The following TMTC2 variants were observed in gnomAD, a reference collection of about 807,000 sequenced individuals.
The protein encoded by TMTC2 is transmembrane O-mannosyltransferase targeting cadherins 2.
A neutral mutation model predicts 82.4 loss-of-function variants in TMTC2; 43 were observed. The observed-to-expected ratio is 0.52, with a 90% CI of 0.41 to 0.67. The LOEUF (loss-of-function observed/expected upper bound fraction) is 0.67. TMTC2 is among the 30% of genes least tolerant of loss of function. The pLI is 0.00. For synonymous variants in TMTC2, 408 were observed against 381.9 expected, an observed-to-expected ratio of 1.07 and a Z score of -0.80; for missense variants, 919 against 1,012.4, an observed-to-expected ratio of 0.91 and a Z score of 1.25.
chr12:83,011,364 A>T (rs1880450455), intron 8 of TMTC2, among the ~76,000 whole-genome samples: 1 of 152,148 alleles, frequency 6.6e-6, no homozygotes, highest in Non-Finnish European at 1.5e-5. Context: ...AAAATGAGGG[A>T]AAAAGCATTT....
chr12:83,111,771 ATAAAT>A (rs1884608147), intron 11 of TMTC2, among the ~76,000 whole-genome samples: 2 of 152,182 alleles, frequency 1.3e-5, no homozygotes, highest in South Asian at 4.1e-4. Flanking sequence ...GAGTGAGTGA[ATAAAT>A]TACATTTAAA....
At chr12:82,953,588 T>TA (rs1374052254) in intron 4 of TMTC2, among the ~76,000 whole-genome samples, 1 of 152,192 alleles carries the variant, frequency 6.6e-6, no homozygotes, top group East Asian at 1.9e-4. Flanking sequence ...AAATGTTGCT[T>TA]AAAACTAAGC....
intron 8 of TMTC2, among the ~76,000 whole-genome samples, chr12:83,009,367 G>C (rs1287380899): frequency 2.0e-5 from 3 of 152,088 alleles, no homozygotes; most frequent in Admixed American, 6.6e-5. Context: ...TCTTTCTCCT[G>C]ATAGTCTACC....
chr12:82,990,150 A>G (rs1424267938), intron 8 of TMTC2, among the ~76,000 whole-genome samples: 1 of 152,202 alleles, frequency 6.6e-6, no homozygotes, highest in Non-Finnish European at 1.5e-5. Flanking sequence ...TCAAGAGAAG[A>G]GGAATAGAAA....
At chr12:82,914,295 G>T (rs754192109) in intron 3 of TMTC2, among the ~76,000 whole-genome samples, 1 of 150,446 alleles carries the variant, frequency 6.6e-6, no homozygotes, top group African/African-American at 2.5e-5. Flanking sequence ...TATTTTATTT[G>T]CATTTTTTAC....
chr12:82,718,183 A>G (rs1485799571), intron 1 of TMTC2, among the ~76,000 whole-genome samples: 1 of 152,218 alleles, frequency 6.6e-6, no homozygotes, highest in Non-Finnish European at 1.5e-5. Context: ...ACACAGAATT[A>G]GGCAGTATCC....
intron 8 of TMTC2, among the ~76,000 whole-genome samples, chr12:83,024,578 G>C (rs763192529): frequency 1.3e-5 from 2 of 152,150 alleles, no homozygotes; most frequent in African/African-American, 2.4e-5. Flanking sequence ...TTAAGAGACT[G>C]TTCCTTCCCC....
intron 3 of TMTC2, among the ~76,000 whole-genome samples, chr12:82,915,190 C>T (rs1874932533): frequency 6.6e-6 from 1 of 152,038 alleles, no homozygotes; most frequent in Non-Finnish European, 1.5e-5. Flanking sequence ...GTTAAAGATT[C>T]CAAACTTTGC....
At chr12:82,821,513 A>G (rs1869109063) in intron 1 of TMTC2, among the ~76,000 whole-genome samples, 1 of 152,208 alleles carries the variant, frequency 6.6e-6, no homozygotes, top group Non-Finnish European at 1.5e-5. Flanking sequence ...AATGAGGCTT[A>G]GAAAGATTAA....
At chr12:82,793,903 C>T (rs1277475737) in intron 1 of TMTC2, among the ~76,000 whole-genome samples, 1 of 152,162 alleles carries the variant, frequency 6.6e-6, no homozygotes, top group African/African-American at 2.4e-5. Context: ...TCTTAATAGG[C>T]TTATCTACTG....
intron 8 of TMTC2, among the ~76,000 whole-genome samples, chr12:83,002,920 A>G (rs922481285): frequency 3.9e-5 from 6 of 152,016 alleles, no homozygotes; most frequent in Non-Finnish European, 5.9e-5. Flanking sequence ...TATTAGATCC[A>G]GTTATTGAAG....
rs1228268625 is a variant in TMTC2 at position 82,798,023 on chromosome 12, C to T, written c.84-58987C>T. Among the ~76,000 whole-genome samples, 4 of 149,610 alleles carry T rather than the reference C, an allele frequency of 2.7e-5. No individual in the cohort carries two copies. In the East Asian group the frequency reaches 6.1e-4, roughly 23 times the overall value. On this transcript the variant is annotated intron_variant, in intron 1 of 11. Coordinates refer to ENST00000321196, the MANE Select transcript of TMTC2 (RefSeq NM_152588.3). ...CGCGATCTCGGCTCACTGCAAGCTC[C>T]GCCTCCCAGGTTCACACCATTCTCC...
At chr12:82,764,837 A>ATT (rs10603409) in intron 1 of TMTC2, among the ~76,000 whole-genome samples, 2 of 146,216 alleles carry the variant, frequency 1.4e-5, no homozygotes, top group African/African-American at 5.1e-5. Flanking sequence ...GTGAATCTGC[A>ATT]TTTTTTTTTT....
chr12:82,752,147 C>CATTTTTTTTTTTTTTTTTTTT (rs58427886), intron 1 of TMTC2, among the ~76,000 whole-genome samples: 1 of 137,928 alleles, frequency 7.3e-6, no homozygotes. Flanking sequence ...TTGGAAGCTC[C>CATTTTTTTTTTTTTTTTTTTT]TTTTTTTTTT....
rs118165532 is a variant in TMTC2, at chr12:83,119,973, G to T, written c.2332-12237G>T. 2.5e-3 allele frequency among the ~76,000 whole-genome samples: 385 copies of T among 152,188 alleles called. 7 individuals carry two copies. The East Asian group carries it at 0.038, about 15-fold the overall frequency. ...GAATAGCCCCTCCTGCTCACTTTTG[G>T]TGTCCATTTGCGTCAAATGTCTTTT... On this transcript the variant is annotated intron_variant, in intron 11 of 11. Coordinates refer to ENST00000321196, the MANE Select transcript of TMTC2 (RefSeq NM_152588.3).
chr12:83,112,426 C>T (rs190624958), intron 11 of TMTC2, among the ~76,000 whole-genome samples: 2 of 152,190 alleles, frequency 1.3e-5, no homozygotes, highest in African/African-American at 4.8e-5. Context: ...TTAGATGAAC[C>T]AAAGAAGTTA....
At chr12:82,918,221 T>C (rs1032941329) in intron 3 of TMTC2, among the ~76,000 whole-genome samples, 1 of 152,244 alleles carries the variant, frequency 6.6e-6, no homozygotes, top group Non-Finnish European at 1.5e-5. Flanking sequence ...AATTGGCTTT[T>C]AATCTGAATA....
intron 1 of TMTC2, among the ~76,000 whole-genome samples, chr12:82,823,052 A>G (rs1869206843): frequency 6.6e-6 from 1 of 152,208 alleles, no homozygotes; most frequent in Non-Finnish European, 1.5e-5. Flanking sequence ...GAGCACTTTT[A>G]ACTTTTACTT....
chr12:82,734,397 C>A (rs1014403567), intron 1 of TMTC2, among the ~76,000 whole-genome samples: 10 of 152,106 alleles, frequency 6.6e-5, no homozygotes, highest in Admixed American at 2.0e-4. Context: ...TTCTTGCTGG[C>A]CATCACCAGA....
Sources: allele counts gnomAD v4.1 joint callset (sites outside exome capture counted in the v4.1 genomes callset), GRCh38; gene constraint gnomAD v4.1.1; transcripts MANE v1.5; gene names NCBI Gene and HGNC (gene_info 2026-07-23, HGNC 2026-07-21).